Variants in KIAA0232 observed in about 807,000 individuals in gnomAD.
KIAA0232 encodes uncharacterized protein KIAA0232.
Under a neutral mutation model 122.0 loss-of-function variants are expected in KIAA0232, and 27 were observed. That is an observed-to-expected ratio of 0.22 (90% confidence interval 0.16 to 0.31). The LOEUF (loss-of-function observed/expected upper bound fraction) is 0.31, where lower values mean the gene tolerates loss of function less well. KIAA0232 is among the 10% of genes least tolerant of loss of function. The pLI, the probability that KIAA0232 is intolerant of heterozygous loss-of-function variation, is 1.00. For synonymous variants in KIAA0232, 613 were observed against 587.6 expected (o/e 1.04, Z -0.63); for missense variants, 1,551 against 1,634.2 (o/e 0.95, Z 0.88).
intron 7 of KIAA0232, among the ~76,000 whole-genome samples, chr4:6,864,897 CT>C (rs979680705): frequency 1.3e-5 from 2 of 152,126 alleles, no homozygotes; most frequent in Admixed American, 1.3e-4. Flanking sequence ...TTTATCAAAA[CT>C]TGTGTTTTAC....
At chr4:6,793,956 C>A (rs139907592) in intron 1 of KIAA0232, among the ~76,000 whole-genome samples, 1 of 152,146 alleles carries the variant, frequency 6.6e-6, no homozygotes, top group South Asian at 2.1e-4. Flanking sequence ...ATGTTCTTTC[C>A]GCTTCCCTAC....
At chr4:6,848,271 G>A (rs555460696) in intron 4 of KIAA0232, among the ~76,000 whole-genome samples, 360 of 152,262 alleles carry the variant, frequency 2.4e-3, no homozygotes, top group Non-Finnish European at 4.4e-3. Flanking sequence ...GCTGTACAGG[G>A]TTATATCTAC....
intron 3 of KIAA0232, among the ~76,000 whole-genome samples, chr4:6,830,199 C>T (rs1445868566): frequency 6.6e-6 from 1 of 152,084 alleles, no homozygotes; most frequent in Non-Finnish European, 1.5e-5. Flanking sequence ...CTTACACCAT[C>T]CTGTTATTAT....
At chr4:6,858,359 T>C (rs1720671403) in intron 5 of KIAA0232, 66 bp from the exon 6 acceptor site, 1 of 943,320 alleles carries the variant, frequency 1.1e-6, no homozygotes. Flanking sequence ...TGAGAAACTT[T>C]GAAATACATT....
At chr4:6,822,376 A>C (rs1484974681) in intron 2 of KIAA0232, among the ~76,000 whole-genome samples, 2 of 152,220 alleles carry the variant, frequency 1.3e-5, no homozygotes, top group Non-Finnish European at 2.9e-5. Flanking sequence ...TAATGTGTGT[A>C]AAATTTACTA....
intron 3 of KIAA0232, 57 bp downstream of exon 3, chr4:6,824,741 C>A: frequency 1.4e-6 from 2 of 1,429,346 alleles, no homozygotes; most frequent in Non-Finnish European, 2.0e-6. Context: ...TGTATACATT[C>A]CTCTTAAACA....
In KIAA0232 at chr4:6,884,124, GA is replaced by G. The variant is rs1225202428; in HGVS notation, c.*3162del. ...ATGAGGGGACTTTTAAAAGTTCATG[GA>G]AAATGGAATTAAAAGAAAAATAAAA... On this transcript the variant is annotated 3_prime_UTR_variant, in exon 10 of 10. Coordinates refer to ENST00000307659, the MANE Select transcript of KIAA0232 (RefSeq NM_014743.3). 6.6e-6 allele frequency: 1 copy of G among 152,042 alleles called. No homozygotes were observed. The highest frequency in any genetic ancestry group is 2.4e-5 in the African/African-American group (1 of 41,374). The allele number at this position is 152,042 out of a possible 1,614,324, so 9.4% of individuals were successfully genotyped here.
chr4:6,821,853 T>C (rs1718440714), intron 2 of KIAA0232, among the ~76,000 whole-genome samples: 1 of 152,130 alleles, frequency 6.6e-6, no homozygotes, highest in South Asian at 2.1e-4. Context: ...AAAGACACTT[T>C]CAATGAGTAT....
At position 6,850,672 on chromosome 4, in the gene KIAA0232, CTTTTTTT is replaced by C. The variant is rs373194091; in HGVS notation, c.370-6483_370-6477del. Among the ~76,000 whole-genome samples the C allele has an allele frequency of 6.5e-4, 91 of 139,920 alleles. 1 individual carries two copies. The East Asian group carries it at 0.015, about 23-fold the overall frequency. 91.8% of individuals were successfully genotyped at this position (139,920 alleles called of 152,430 possible). On this transcript the variant is annotated intron_variant, in intron 4 of 9. Transcript: ENST00000307659. ...AATAAAGAAAGTAGAAAGGAACATT[CTTTTTTT>C]TTTTTTTTAGACGGAGTCTCGCTCT...
chr4:6,821,163 A>G (rs1338234073), intron 2 of KIAA0232, among the ~76,000 whole-genome samples: 3 of 152,322 alleles, frequency 2.0e-5, no homozygotes, highest in South Asian at 4.1e-4. Context: ...CAGTTTTTGC[A>G]TATCAGAGAA....
intron 3 of KIAA0232, among the ~76,000 whole-genome samples, chr4:6,832,683 G>A (rs1400359397): frequency 6.6e-6 from 1 of 152,058 alleles, no homozygotes; most frequent in East Asian, 1.9e-4. Context: ...GTTTTCTGTT[G>A]GATTCCCAGC....
At position 6,882,602 on chromosome 4, in the gene KIAA0232, T is replaced by C. The variant is rs7435312; in HGVS notation, c.*1636T>C. The C allele has an allele frequency of 0.98, 149,894 of 152,460 alleles. 73,697 individuals are homozygous for C. Among genetic ancestry groups the C allele is most frequent in the East Asian group, 1 (5,179 of 5,180 alleles). The allele number at this position is 152,460 out of a possible 1,614,324, so 9.4% of individuals were successfully genotyped here. ...TAGGGTTTATTTTTATACAACACAT[T>C]TTTTGACACTTTAAGGTGGGTGGGT... On this transcript the variant is annotated 3_prime_UTR_variant, in exon 10 of 10. Coordinates refer to ENST00000307659, the MANE Select transcript of KIAA0232 (RefSeq NM_014743.3).
intron 3 of KIAA0232, among the ~76,000 whole-genome samples, chr4:6,826,502 A>ATTT (rs1190007392): frequency 3.0e-5 from 4 of 132,536 alleles, no homozygotes; most frequent in Non-Finnish European, 4.9e-5. Context: ...ATAGGGAATG[A>ATTT]TTTTTTTTTT....
rs574618718 is a variant in KIAA0232 at position 6,783,182 on chromosome 4, C to T, written c.-354+341C>T. 6.4e-3 allele frequency among the ~76,000 whole-genome samples: 979 copies of T among 152,260 alleles called. 7 individuals carry two copies. The highest frequency in any genetic ancestry group is 0.011 in the Non-Finnish European group (753 of 67,996). On this transcript the variant is annotated intron_variant, in intron 1 of 9. Transcript: ENST00000307659. ...AGGGAGACCGGGCCGCTGTTGATGG[C>T]TCCGGGGCCAGCCGAGGGAGGCCTG...
At chr4:6,821,890 TC>T (rs1718442461) in intron 2 of KIAA0232, among the ~76,000 whole-genome samples, 1 of 152,124 alleles carries the variant, frequency 6.6e-6, no homozygotes, top group African/African-American at 2.4e-5. Flanking sequence ...AGTTTTTTTT[TC>T]TTTTAGTACT....
At chr4:6,809,577 A>G (rs1203067712) in intron 2 of KIAA0232, among the ~76,000 whole-genome samples, 1 of 152,226 alleles carries the variant, frequency 6.6e-6, no homozygotes, top group Non-Finnish European at 1.5e-5. Context: ...AGTCCTAGTA[A>G]GAGAAATTAA....
chr4:6,864,138 T>A lies in KIAA0232; in HGVS notation c.3756T>A (p.Phe1252Leu). 1.9e-6 allele frequency: 3 copies of A among 1,614,094 alleles called. No homozygotes were observed. The highest frequency in any genetic ancestry group is 2.5e-6 in the Non-Finnish European group (3 of 1,179,986). ...GTGGTTGCAAAGCAGGTTGTCAGTT[T>A]CCTGCTTATGAAGATAATCCAGTTT... ...NFCGCKAGCQFPAYEDNPVSS... is the reference protein window; with the variant it reads ...NFCGCKAGCQLPAYEDNPVSS... The change falls in exon 7 of 10, where the codon TTT becomes TTA. Residue 1252 changes from phenylalanine (F) to leucine (L), a missense_variant. Phe to Leu is a conservative substitution (Grantham distance 22). Coordinates refer to ENST00000307659, the MANE Select transcript of KIAA0232 (RefSeq NM_014743.3).
intron 4 of KIAA0232, among the ~76,000 whole-genome samples, chr4:6,851,410 A>G (rs77887267): frequency 0.015 from 2,307 of 152,312 alleles, 40 homozygotes; most frequent in Non-Finnish European, 0.023. Context: ...TTTGCATATC[A>G]TAAAAAATAG....
At chr4:6,860,746 G>T (rs1283628139) in intron 6 of KIAA0232, among the ~76,000 whole-genome samples, 155 bp from the exon 7 acceptor site, 1 of 152,166 alleles carries the variant, frequency 6.6e-6, no homozygotes, top group Non-Finnish European at 1.5e-5. Context: ...ATATTTTACT[G>T]TATTATAAAT....
Sources: allele counts gnomAD v4.1 joint callset (sites outside exome capture counted in the v4.1 genomes callset), GRCh38; gene constraint gnomAD v4.1.1; transcripts MANE v1.5; gene names NCBI Gene and HGNC (gene_info 2026-07-23, HGNC 2026-07-21).